GAB2: variants seen among roughly 807,000 people sequenced by gnomAD.
GAB2 encodes GRB2-associated-binding protein 2.
A neutral mutation model predicts 65.5 loss-of-function variants in GAB2; 26 were observed. The observed-to-expected ratio is 0.40, with a 90% CI of 0.29 to 0.55. The LOEUF is 0.55. Among genes scored for constraint, GAB2 ranks in the 20% least tolerant of loss-of-function variants. GAB2 has a pLI of 0.53. For synonymous variants in GAB2, 321 were observed against 329.6 expected (o/e 0.97, Z 0.28); for missense variants, 884 against 875.8 (o/e 1.01, Z -0.12).
At chr11:78,270,172 C>G (rs1865974801) in intron 2 of GAB2, among the ~76,000 whole-genome samples, 1 of 151,908 alleles carries the variant, frequency 6.6e-6, no homozygotes, top group African/African-American at 2.4e-5. Context: ...ACTAAAAATA[C>G]AAAAATTAGC....
At chr11:78,300,357 T>C (rs1866961360) in intron 1 of GAB2, among the ~76,000 whole-genome samples, 1 of 145,816 alleles carries the variant, frequency 6.9e-6, no homozygotes, top group African/African-American at 2.8e-5. Context: ...TATTGAGGGA[T>C]AATAAATAAG....
Position 78,417,628 on chromosome 11 carries a change from G to T in GAB2, c.75+18C>A. 1 of 1,317,950 alleles carries T rather than the reference G, an allele frequency of 7.6e-7. No individual in the cohort carries two copies. Among genetic ancestry groups the T allele is most frequent in the South Asian group, 1.4e-5 (1 of 69,156 alleles). 81.6% of individuals were successfully genotyped at this position (1,317,950 alleles called of 1,614,324 possible). A position where few individuals can be genotyped will look rare whatever the true frequency, so the allele number is the denominator to read the frequency against. On this transcript the variant is annotated intron_variant, in intron 1 of 9. Coordinates refer to ENST00000361507, the MANE Select transcript of GAB2 (RefSeq NM_080491.3). Reference sequence around the variant, plus strand: ...GAGCGCCCCCCGCCCGCCCCTGGGCGGCCGCGCCCGCACTCACATAGCGCC... The same window carrying T: ...GAGCGCCCCCCGCCCGCCCCTGGGCTGCCGCGCCCGCACTCACATAGCGCC...
rs369041941 is a variant in GAB2 at position 78,288,382 on chromosome 11, GA to G, written c.76-7482del. Reference sequence around the variant, plus strand: ...CAACAGAGTGAGACTCCATCTCAAAGAAAAAAAAAAAAAAAAGAAGAAGAAG... The same window carrying G: ...CAACAGAGTGAGACTCCATCTCAAAGAAAAAAAAAAAAAAAGAAGAAGAAG... On this transcript the variant is annotated intron_variant, in intron 1 of 9. Coordinates refer to ENST00000361507, the MANE Select transcript of GAB2 (RefSeq NM_080491.3). 3.3e-4 allele frequency among the ~76,000 whole-genome samples: 39 copies of G among 119,530 alleles called. 1 individual carries two copies. Among genetic ancestry groups the G allele is most frequent in the South Asian group, 2.7e-3 (10 of 3,656 alleles). The allele number at this position is 119,530 out of a possible 152,430, so 78.4% of individuals were successfully genotyped here.
At chr11:78,258,839 T>G (rs945541441) in intron 2 of GAB2, among the ~76,000 whole-genome samples, 8 of 152,202 alleles carry the variant, frequency 5.3e-5, no homozygotes, top group South Asian at 4.1e-4. Context: ...CCTTTTTGAT[T>G]TTCATAAGTT....
At chr11:78,254,045 C>A (rs930854365) in intron 2 of GAB2, among the ~76,000 whole-genome samples, 84 of 152,304 alleles carry the variant, frequency 5.5e-4, no homozygotes, top group African/African-American at 1.9e-3. Context: ...TCCTTGAGCT[C>A]AGCCTGTGGA....
chr11:78,353,128 G>C (rs2134707197), intron 1 of GAB2, among the ~76,000 whole-genome samples: 1 of 152,242 alleles, frequency 6.6e-6, no homozygotes. Flanking sequence ...CCCTACCCCA[G>C]ATCTACTGAA....
intron 1 of GAB2, among the ~76,000 whole-genome samples, chr11:78,410,590 C>G (rs1202035741): frequency 6.6e-6 from 1 of 152,084 alleles, no homozygotes. Flanking sequence ...CACTACAGAC[C>G]CTGCAGACAC....
At chr11:78,331,900 C>T (rs1855921138) in intron 1 of GAB2, among the ~76,000 whole-genome samples, 1 of 152,130 alleles carries the variant, frequency 6.6e-6, no homozygotes, top group Admixed American at 6.5e-5. Context: ...CCATCCGGAC[C>T]TCGTAAATGA....
chr11:78,321,402 C>A (rs559316444), intron 1 of GAB2, among the ~76,000 whole-genome samples: 2 of 152,162 alleles, frequency 1.3e-5, no homozygotes, highest in Admixed American at 6.5e-5. Context: ...TTATGTTATA[C>A]TTTTTGGCTG....
chr11:78,252,255 C>T (rs575886640), intron 2 of GAB2, among the ~76,000 whole-genome samples: 12 of 152,252 alleles, frequency 7.9e-5, no homozygotes, highest in South Asian at 2.1e-4. Flanking sequence ...ACAGAAAAAG[C>T]TGATGGGCCT....
chr11:78,291,309 A>G (rs1866662564), intron 1 of GAB2, among the ~76,000 whole-genome samples: 1 of 150,568 alleles, frequency 6.6e-6, no homozygotes, highest in Admixed American at 6.6e-5. Flanking sequence ...AAAAAAAAAA[A>G]AAAAAAATTA....
chr11:78,229,121 C>T (rs2134475663), intron 3 of GAB2, among the ~76,000 whole-genome samples: 1 of 152,280 alleles, frequency 6.6e-6, no homozygotes, highest in Middle Eastern at 3.4e-3. Flanking sequence ...TAGCTGCTGA[C>T]AGTTGGTATC....
intron 1 of GAB2, among the ~76,000 whole-genome samples, chr11:78,391,601 G>T (rs932169772): frequency 6.6e-6 from 1 of 152,186 alleles, no homozygotes; most frequent in Non-Finnish European, 1.5e-5. Flanking sequence ...AAAGGCCACT[G>T]GTAGGTGCTC....
chr11:78,280,468 TCA>T, intron 2 of GAB2, 131 bp downstream of exon 2: 1 of 775,770 alleles, frequency 1.3e-6, no homozygotes. Context: ...GCCAACCCCT[TCA>T]CACTCTTTAC....
rs1179249275 is a variant in GAB2, at chr11:78,216,201, T to A, written c.*3071A>T. On this transcript the variant is annotated 3_prime_UTR_variant, in exon 10 of 10. Coordinates refer to ENST00000361507, the MANE Select transcript of GAB2 (RefSeq NM_080491.3). The stretch of plus-strand genomic sequence containing the variant: ...ACTTAAGGAGACACCATCTCCCTAT[T>A]TCTCATCGTTCTCACTTGACTTAAC... 5 of 152,430 alleles carry A rather than the reference T, an allele frequency of 3.3e-5. No individual in the cohort carries two copies. In the South Asian group the frequency reaches 8.3e-4, roughly 25 times the overall value. 9.4% of individuals were successfully genotyped at this position (152,430 alleles called of 1,614,324 possible). A position where few individuals can be genotyped will look rare whatever the true frequency, so the allele number is the denominator to read the frequency against.
chr11:78,390,149 G>A (rs1476855434), intron 1 of GAB2, among the ~76,000 whole-genome samples: 1 of 152,178 alleles, frequency 6.6e-6, no homozygotes, highest in African/African-American at 2.4e-5. Context: ...CCTTGATATG[G>A]AAGTTCATGA....
intron 1 of GAB2, among the ~76,000 whole-genome samples, chr11:78,396,056 G>A (rs542515574): frequency 6.6e-6 from 1 of 152,280 alleles, no homozygotes; most frequent in Non-Finnish European, 1.5e-5. Context: ...ATCCTTGATT[G>A]CCAGCATTTG....
chr11:78,334,839 G>C (rs1409815014), intron 1 of GAB2, among the ~76,000 whole-genome samples: 1 of 152,192 alleles, frequency 6.6e-6, no homozygotes, highest in East Asian at 1.9e-4. Context: ...CTCCCTAGTG[G>C]TTGTACTAAT....
intron 2 of GAB2, among the ~76,000 whole-genome samples, chr11:78,272,634 C>T (rs1866045527): frequency 6.6e-6 from 1 of 151,742 alleles, no homozygotes; most frequent in African/African-American, 2.4e-5. Flanking sequence ...AAAATCTGCA[C>T]CTGACAATGC....
Sources: allele counts gnomAD v4.1 joint callset (sites outside exome capture counted in the v4.1 genomes callset), GRCh38; gene constraint gnomAD v4.1.1; transcripts MANE v1.5; gene names NCBI Gene and HGNC (gene_info 2026-07-23, HGNC 2026-07-21).